ZNF384: variants seen among roughly 807,000 people sequenced by gnomAD.
ZNF384 encodes the protein CAG repeat protein 1.
ZNF384 carries 20 observed loss-of-function variants against 65.0 expected under a neutral mutation model. That is an observed-to-expected ratio of 0.31 (90% confidence interval 0.22 to 0.45). The LOEUF (loss-of-function observed/expected upper bound fraction) is 0.45, where lower values mean the gene tolerates loss of function less well. ZNF384 is among the 20% of genes least tolerant of loss of function. The pLI is 1.00. For synonymous variants in ZNF384, 310 were observed against 303.9 expected, an observed-to-expected ratio of 1.02 and a Z score of -0.21; for missense variants, 549 against 769.4, an observed-to-expected ratio of 0.71 and a Z score of 3.39.
At chr12:6,680,274 T>G (rs1037466655) in intron 2 of ZNF384, among the ~76,000 whole-genome samples, 3 of 152,152 alleles carry the variant, frequency 2.0e-5, no homozygotes, top group African/African-American at 7.2e-5. Flanking sequence ...CAATAAAAAT[T>G]TCAAGAGTTC....
In ZNF384 at chr12:6,668,082, T is replaced by C. The variant is rs1950225768; in HGVS notation, c.1459A>G (p.Asn487Asp). 1 of 1,608,346 alleles carries C rather than the reference T, an allele frequency of 6.2e-7. No individual in the cohort carries two copies. Among genetic ancestry groups the C allele is most frequent in the East Asian group, 2.2e-5 (1 of 44,786 alleles). ...ACCTGTTGCTGAAGATCAGGCGGGT[T>C]GTGTTTGCGCATATGTTTCATAAGG... ...TYLMKHMRKH[N>D]PPDLQQQVQA... Residue 487 changes from asparagine (N) to aspartate (D), a missense_variant, in exon 12 of 12, where the codon AAC becomes GAC. By Grantham distance (23) the Asn-to-Asp change is conservative. Transcript: ENST00000683879.
chr12:6,675,452 C>A (rs1486364866), intron 7 of ZNF384, among the ~76,000 whole-genome samples: 1 of 152,214 alleles, frequency 6.6e-6, no homozygotes, highest in Non-Finnish European at 1.5e-5. Context: ...GGTATTCAAG[C>A]AGAGGTTGGA....
Position 6,668,014 on chromosome 12 carries a change from AGCCTGG to A in ZNF384, c.1521_1526del (p.Gln526_Ala527del). ...GAGCCTGAGCCTGGGCTTGAGCTTG[AGCCTGG>A]GCCTGGGCCACTGCTGCCGCTGCTG... On this transcript the variant is annotated inframe_deletion, in exon 12 of 12. Transcript: ENST00000683879. 1 of 1,613,234 alleles carries A rather than the reference AGCCTGG, an allele frequency of 6.2e-7. No individual in the cohort carries two copies. The highest frequency in any genetic ancestry group is 8.5e-7 in the Non-Finnish European group (1 of 1,179,696).
rs1178534088 is a variant in ZNF384 at position 6,689,258 on chromosome 12, G to A, written c.-226C>T. The A allele has an allele frequency of 6.6e-6, 1 of 152,668 alleles. No individual in the cohort carries two copies. Among genetic ancestry groups the A allele is most frequent in the Admixed American group, 6.5e-5 (1 of 15,294 alleles). 9.5% of individuals were successfully genotyped at this position (152,668 alleles called of 1,614,324 possible). On this transcript the variant is annotated 5_prime_UTR_variant, in exon 1 of 12. Coordinates refer to ENST00000683879, the MANE Select transcript of ZNF384 (RefSeq NM_001385745.1). ...GCGCGCGGGCACGCACTTCTGGAGC[G>A]AGACAGACCCACACACTCACACGCA... is the stretch of plus-strand genomic sequence containing the variant.
rs527294422 is a variant in ZNF384, at chr12:6,672,107, A to G, written c.1187+243T>C. On this transcript the variant is annotated intron_variant, in intron 9 of 11. Coordinates refer to ENST00000683879, the MANE Select transcript of ZNF384 (RefSeq NM_001385745.1). The surrounding 1 kb of genome is among the most constrained non-coding windows in gnomAD (Gnocchi z 4.4). ...TACTCCAGGTACGTGTCTGTCTCCC[A>G]TGGATCAGTGAATATCATATAGTCA... 3.4e-4 allele frequency: 162 copies of G among 477,584 alleles called. 4 individuals carry two copies. In the South Asian group the frequency reaches 4.1e-3, roughly 12 times the overall value. 29.6% of individuals were successfully genotyped at this position (477,584 alleles called of 1,614,324 possible). A position where few individuals can be genotyped will look rare whatever the true frequency, so the allele number is the denominator to read the frequency against.
Position 6,670,965 on chromosome 12 carries a change from C to T in ZNF384, c.1188-127G>A, listed in dbSNP as rs989226145. 9 of 722,348 alleles carry T rather than the reference C, an allele frequency of 1.2e-5. No homozygotes were observed. In the African/African-American group the frequency reaches 1.4e-4, roughly 11 times the overall value. 44.7% of individuals were successfully genotyped at this position (722,348 alleles called of 1,614,324 possible). ...ACATCAGATGGGCCTCCAAGAGGCA[C>T]CAGCCTTCCTCTCTGATGTGGATCA... is the stretch of plus-strand genomic sequence containing the variant. On this transcript the variant is annotated intron_variant, in intron 9 of 11. Coordinates refer to ENST00000683879, the MANE Select transcript of ZNF384 (RefSeq NM_001385745.1).
At chr12:6,669,498 CTTTT>C (rs575581443) in intron 10 of ZNF384, among the ~76,000 whole-genome samples, 1 of 141,692 alleles carries the variant, frequency 7.1e-6, no homozygotes, top group Non-Finnish European at 1.6e-5. Flanking sequence ...GGTCAAAACT[CTTTT>C]TTTTTTTTTT....
In ZNF384 at chr12:6,673,539, T is replaced by C; in HGVS notation, c.780-99A>G. Reference sequence around the variant, plus strand: ...AAGAGAAGCCCACCTATCTGAGGTCTCTCCTACTCCAACTTGAGAGTAGAG... The same window carrying C: ...AAGAGAAGCCCACCTATCTGAGGTCCCTCCTACTCCAACTTGAGAGTAGAG... On this transcript the variant is annotated intron_variant, in intron 7 of 11. Coordinates refer to ENST00000683879, the MANE Select transcript of ZNF384 (RefSeq NM_001385745.1). The surrounding 1 kb of genome is among the most constrained non-coding windows in gnomAD (Gnocchi z 4.7). 2.0e-6 allele frequency: 2 copies of C among 982,632 alleles called. No individual in the cohort carries two copies. The highest frequency in any genetic ancestry group is 3.0e-6 in the Non-Finnish European group (2 of 656,274). The allele number at this position is 982,632 out of a possible 1,614,324, so 60.9% of individuals were successfully genotyped here.
At chr12:6,684,347 G>T (rs911504895) in intron 2 of ZNF384, among the ~76,000 whole-genome samples, 2 of 142,054 alleles carry the variant, frequency 1.4e-5, no homozygotes, top group African/African-American at 6.3e-5. Flanking sequence ...AATATTTCCA[G>T]GAATGAACTA....
rs1332717207 is a variant in ZNF384, at chr12:6,678,718, C to T, written c.305-8G>A. 1 of 1,613,948 alleles carries T rather than the reference C, an allele frequency of 6.2e-7. No individual in the cohort carries two copies. Among genetic ancestry groups the T allele is most frequent in the Non-Finnish European group, 8.5e-7 (1 of 1,179,938 alleles). On this transcript the variant is annotated splice_region_variant and splice_polypyrimidine_tract_variant and intron_variant, in intron 4 of 11. Transcript: ENST00000683879. This position sits in a 1 kb window ranked among gnomAD's most constrained non-coding sequence, Gnocchi z 4.9. ...TCTGAGAACAGGAGACTCCTTGATTCAGAGAAGGAAAGAATGTCACCTCCT... is the reference window on the plus strand; with the variant it reads ...TCTGAGAACAGGAGACTCCTTGATTTAGAGAAGGAAAGAATGTCACCTCCT...
In ZNF384 at chr12:6,678,457, G is replaced by A. The variant is rs148727708; in HGVS notation, c.356C>T (p.Pro119Leu). 4.4e-5 allele frequency: 69 copies of A among 1,578,566 alleles called. No individual in the cohort carries two copies. The Middle Eastern group carries it at 2.2e-3, about 49-fold the overall frequency. Residue 119 changes from proline to leucine, a missense_variant, in exon 6 of 12, where the codon CCG becomes CTG. By Grantham distance (98) the Pro-to-Leu change is moderately conservative. Around this residue, in one of 5 missense-constraint regions of ZNF384, gnomAD observed 277 missense variants for 337.2 expected, o/e 0.82. Coordinates refer to ENST00000683879, the MANE Select transcript of ZNF384 (RefSeq NM_001385745.1). The surrounding 1 kb of genome is among the most constrained non-coding windows in gnomAD (Gnocchi z 4.9). ...WRREGSQSRG[P>L]GLVITSPSGS... ...TGAGGGGGACGTGATTACCAAACCCGGACCTAGGATTGGGAGAAAAAGGAG... is the reference window on the plus strand; with the variant it reads ...TGAGGGGGACGTGATTACCAAACCCAGACCTAGGATTGGGAGAAAAAGGAG...
At chr12:6,688,763 C>G (rs1958904649) in intron 1 of ZNF384, 1 of 152,454 alleles carries the variant, frequency 6.6e-6, no homozygotes, top group Admixed American at 6.5e-5. Flanking sequence ...CTACTGGAGA[C>G]CCCAGCTGTC....
chr12:6,682,953 CAA>C (rs1004894039), intron 2 of ZNF384, among the ~76,000 whole-genome samples: 1 of 152,082 alleles, frequency 6.6e-6, no homozygotes, highest in Non-Finnish European at 1.5e-5. Context: ...AAATGACAGA[CAA>C]GAGATAAGAG....
At position 6,673,470 on chromosome 12, in the gene ZNF384, C is replaced by G; in HGVS notation, c.780-30G>C. The stretch of plus-strand genomic sequence containing the variant: ...GCCAAGTGAGGGCAATGGTTAGAAC[C>G]CTTCCCATCAAGAAGGTGTGGCTGA... On this transcript the variant is annotated intron_variant, in intron 7 of 11. Coordinates refer to ENST00000683879, the MANE Select transcript of ZNF384 (RefSeq NM_001385745.1). The surrounding 1 kb of genome is among the most constrained non-coding windows in gnomAD (Gnocchi z 4.7). 1.9e-6 allele frequency: 3 copies of G among 1,602,750 alleles called. No homozygotes were observed. Among genetic ancestry groups the G allele is most frequent in the Non-Finnish European group, 2.6e-6 (3 of 1,171,956 alleles).
Position 6,678,863 on chromosome 12 carries a change from C to T in ZNF384, c.304+83G>A. The stretch of plus-strand genomic sequence containing the variant: ...GAATAATCAAACACATATCCCACTC[C>T]CCATGTCCTTGGAGCCCTCCAGCCT... On this transcript the variant is annotated intron_variant, in intron 4 of 11. Coordinates refer to ENST00000683879, the MANE Select transcript of ZNF384 (RefSeq NM_001385745.1). The surrounding 1 kb of genome is among the most constrained non-coding windows in gnomAD (Gnocchi z 4.9). The T allele has an allele frequency of 2.0e-6, 3 of 1,500,748 alleles. No individual in the cohort carries two copies. Among genetic ancestry groups the T allele is most frequent in the South Asian group, 2.3e-5 (2 of 85,650 alleles). The allele number at this position is 1,500,748 out of a possible 1,614,324, so 93.0% of individuals were successfully genotyped here.
chr12:6,673,145 A>G lies in ZNF384; in HGVS notation c.1004+71T>C. On this transcript the variant is annotated intron_variant, in intron 8 of 11. Coordinates refer to ENST00000683879, the MANE Select transcript of ZNF384 (RefSeq NM_001385745.1). This position sits in a 1 kb window ranked among gnomAD's most constrained non-coding sequence, Gnocchi z 4.7. ...GGGAAAGAATAATACATGTGGAGAG[A>G]GGAGTAGGTGCAGGCAACATGGTCT... 7.4e-7 allele frequency: 1 copy of G among 1,350,264 alleles called. No homozygotes were observed. Among genetic ancestry groups the G allele is most frequent in the Non-Finnish European group, 1.0e-6 (1 of 960,646 alleles). The allele number at this position is 1,350,264 out of a possible 1,614,324, so 83.6% of individuals were successfully genotyped here. A position where few individuals can be genotyped will look rare whatever the true frequency, so the allele number is the denominator to read the frequency against.
rs1950133439 is a variant in ZNF384 at position 6,667,903 on chromosome 12, TTG to T, written c.1636_1637del (p.Gln546ThrfsTer32). ...GAGACTGGAAGTGTGGTGGTGGCTG[TTG>T]CTGCTGCTGCTGCTGCTGCTGCTGC... is the stretch of plus-strand genomic sequence containing the variant. ...QQQQQQQQQQQQPPPHFQSPG... is the reference protein window; with the variant it reads ...QQQQQQQQQQXQPPPHFQSPG... On this transcript the variant is annotated frameshift_variant, in exon 12 of 12. Transcript: ENST00000683879. LOFTEE classifies it high-confidence loss of function. 1 of 973,044 alleles carries T rather than the reference TTG, an allele frequency of 1.0e-6. No individual in the cohort carries two copies. Among genetic ancestry groups the T allele is most frequent in the African/African-American group, 1.7e-5 (1 of 58,354 alleles). 60.3% of individuals were successfully genotyped at this position (973,044 alleles called of 1,614,324 possible). A position where few individuals can be genotyped will look rare whatever the true frequency, so the allele number is the denominator to read the frequency against.
Position 6,677,213 on chromosome 12 carries a change from T to C in ZNF384, c.733A>G (p.Met245Val), listed in dbSNP as rs1464115623. 1.5e-6 allele frequency: 2 copies of C among 1,294,078 alleles called. No individual in the cohort carries two copies. Among genetic ancestry groups the C allele is most frequent in the African/African-American group, 1.5e-5 (1 of 66,272 alleles). 80.2% of individuals were successfully genotyped at this position (1,294,078 alleles called of 1,614,324 possible). A position where few individuals can be genotyped will look rare whatever the true frequency, so the allele number is the denominator to read the frequency against. ...GTGNGQSLGL[M>V]DSVPGSTTNL... Reference sequence around the variant, plus strand: ...GTGGTGGAGCCGGGAACTGAATCCATGAGCCCAAGGCTCTGTCCATTTCCT... The same window carrying C: ...GTGGTGGAGCCGGGAACTGAATCCACGAGCCCAAGGCTCTGTCCATTTCCT... The change falls in exon 7 of 12, where the codon ATG becomes GTG. Residue 245 changes from methionine to valine, a missense_variant. Met to Val is a conservative substitution (Grantham distance 21). This residue lies in a region of ZNF384 where 277 missense variants were observed against 337.2 expected (regional missense o/e 0.82). Transcript: ENST00000683879.
intron 10 of ZNF384, among the ~76,000 whole-genome samples, chr12:6,669,754 C>T (rs931438162): frequency 2.0e-5 from 3 of 152,020 alleles, no homozygotes; most frequent in African/African-American, 4.8e-5. Context: ...CGCCCGCCTC[C>T]GCCGCCCAAA....
Sources: gnomAD v4.1 joint callset for allele counts (sites outside exome capture counted in the v4.1 genomes callset) on GRCh38, gnomAD v4.1.1 for gene constraint, gnomAD v4.1.1 regional missense constraint, Gnocchi (gnomAD v3.1) non-coding constraint, MANE v1.5 for transcripts, NCBI Gene and HGNC (gene_info 2026-07-23, HGNC 2026-07-21) for gene names.